The following GPC4 variants were observed in gnomAD, a reference collection of about 807,000 sequenced individuals.
GPC4 encodes the protein glypican-4.
GPC4 carries 10 observed loss-of-function variants against 35.0 expected under a neutral mutation model. That is an observed-to-expected ratio of 0.29 (90% CI 0.18 to 0.48). The LOEUF (loss-of-function observed/expected upper bound fraction) is 0.48. Among genes scored for constraint, GPC4 ranks in the 20% least tolerant of loss-of-function variants. The pLI, the probability that GPC4 is intolerant of heterozygous loss-of-function variation, is 0.99. For synonymous variants in GPC4, 167 were observed against 170.2 expected (o/e 0.98, Z 0.15); for missense variants, 322 against 451.3 (o/e 0.71, Z 2.60).
At chrX:133,311,949 C>G (rs1361884991) in intron 3 of GPC4, among the ~76,000 whole-genome samples, 2 of 111,610 alleles carry the variant, frequency 1.8e-5, no homozygotes, top group Admixed American at 9.5e-5. Flanking sequence ...TAGAAGGGTA[C>G]CTACGGTGTC....
chrX:133,332,873 G>A (rs1485503090), intron 2 of GPC4, among the ~76,000 whole-genome samples: 2 of 112,431 alleles, frequency 1.8e-5, no homozygotes, highest in Admixed American at 9.4e-5. Flanking sequence ...TCCTTGGGAT[G>A]CACATCCAGA....
At chrX:133,395,674 A>T (rs1267972915) in intron 1 of GPC4, among the ~76,000 whole-genome samples, 2 of 111,403 alleles carry the variant, frequency 1.8e-5, no homozygotes, top group Non-Finnish European at 3.8e-5. Context: ...AATGGTACGA[A>T]TTTTTTTAAA....
chrX:133,373,340 C>T (rs901629018), intron 1 of GPC4, among the ~76,000 whole-genome samples: 2 of 111,091 alleles, frequency 1.8e-5, no homozygotes, highest in Non-Finnish European at 3.8e-5. Context: ...ATTCTGAGAT[C>T]AGCTTTACTT....
intron 2 of GPC4, among the ~76,000 whole-genome samples, chrX:133,335,483 G>A (rs1244505276): frequency 9.0e-6 from 1 of 111,034 alleles, no homozygotes; most frequent in Non-Finnish European, 1.9e-5. Flanking sequence ...GCACACACAC[G>A]AGTTTATATC....
At chrX:133,386,830 G>GA (rs2068693163) in intron 1 of GPC4, among the ~76,000 whole-genome samples, 1 of 111,571 alleles carries the variant, frequency 9.0e-6, no homozygotes, top group South Asian at 3.8e-4. Context: ...TAGATTTTGG[G>GA]AAAAAATAAC....
intron 1 of GPC4, among the ~76,000 whole-genome samples, chrX:133,351,295 G>A (rs1253895770): frequency 2.7e-5 from 3 of 110,793 alleles, no homozygotes; most frequent in Admixed American, 9.6e-5. Context: ...AATATTTGAC[G>A]AAACAGTCCC....
At chrX:133,356,945 A>G (rs2068544183) in intron 1 of GPC4, among the ~76,000 whole-genome samples, 1 of 111,573 alleles carries the variant, frequency 9.0e-6, no homozygotes, top group Non-Finnish European at 1.9e-5. Flanking sequence ...ATGTCAGAAC[A>G]GTGTGGGAAA....
chrX:133,377,888 T>G (rs199544585), intron 1 of GPC4, among the ~76,000 whole-genome samples: 9 of 96,177 alleles, frequency 9.4e-5, no homozygotes, highest in Non-Finnish European at 1.6e-4. Context: ...TTTTTTTTTT[T>G]CTTTTTTTTT....
At chrX:133,341,003 GA>G (rs35779366) in intron 1 of GPC4, among the ~76,000 whole-genome samples, 1 of 110,865 alleles carries the variant, frequency 9.0e-6, no homozygotes, top group Middle Eastern at 4.6e-3. Flanking sequence ...AAAAAAAAGG[GA>G]AAAAAAAGGT....
intron 1 of GPC4, among the ~76,000 whole-genome samples, chrX:133,392,797 T>A (rs1486908230): frequency 1.8e-5 from 2 of 110,730 alleles, no homozygotes; most frequent in African/African-American, 6.6e-5. Flanking sequence ...TTTGAGCACC[T>A]CTTTCACCAA....
chrX:133,313,255 A>T (rs948405234), intron 3 of GPC4, among the ~76,000 whole-genome samples: 3 of 112,606 alleles, frequency 2.7e-5, no homozygotes, highest in African/African-American at 9.7e-5. Context: ...CTCCTACGTG[A>T]TGCATGTGCA....
chrX:133,377,786 C>T (rs1414811942), intron 1 of GPC4, among the ~76,000 whole-genome samples: 1 of 110,061 alleles, frequency 9.1e-6, no homozygotes, highest in Non-Finnish European at 1.9e-5. Context: ...CAGTGAGGCT[C>T]TAGAGACTAC....
chrX:133,368,351 G>A (rs1283896313), intron 1 of GPC4, among the ~76,000 whole-genome samples: 1 of 111,509 alleles, frequency 9.0e-6, no homozygotes. Flanking sequence ...CTTGGAGGCA[G>A]CAACACTTCA....
At chrX:133,312,042 G>T (rs753144212) in intron 3 of GPC4, among the ~76,000 whole-genome samples, 17 of 111,391 alleles carry the variant, frequency 1.5e-4, no homozygotes, top group Non-Finnish European at 3.0e-4. Context: ...AAACTTAGGG[G>T]GTGTGTGAAG....
In GPC4 at chrX:133,344,153, CTCTT is replaced by C. The variant is rs749045500; in HGVS notation, c.161-4816_161-4813del. 7.9e-5 allele frequency among the ~76,000 whole-genome samples: 7 copies of C among 88,996 alleles called. No individual in the cohort carries two copies. In the South Asian group the frequency reaches 1.6e-3, roughly 21 times the overall value. The allele number at this position is 88,996 out of a possible 115,157, so 77.3% of individuals were successfully genotyped here. A position where few individuals can be genotyped will look rare whatever the true frequency, so the allele number is the denominator to read the frequency against. ...TATTTACTACTAACTTGACTATTTTCTCTTTCTTTCTTTCTTTATTTTCTTTCTT... is the reference window on the plus strand; with the variant it reads ...TATTTACTACTAACTTGACTATTTTCTCTTTCTTTCTTTATTTTCTTTCTT... On this transcript the variant is annotated intron_variant, in intron 1 of 8. Coordinates refer to ENST00000370828, the MANE Select transcript of GPC4 (RefSeq NM_001448.3).
Position 133,415,218 on chromosome X carries a change from G to T in GPC4, c.-253C>A, listed in dbSNP as rs1004502163. 2.3e-3 allele frequency: 787 copies of T among 344,491 alleles called. 2 individuals carry two copies. The highest frequency in any genetic ancestry group is 2.9e-3 in the Non-Finnish European group (573 of 200,283). The allele number at this position is 344,491 out of a possible 1,213,427, so 28.4% of individuals were successfully genotyped here. A position where few individuals can be genotyped will look rare whatever the true frequency, so the allele number is the denominator to read the frequency against. On this transcript the variant is annotated 5_prime_UTR_variant, in exon 1 of 9. Transcript: ENST00000370828. ...AAGGAGGGCGTGGAGGCGGCGCGCG[G>T]CCCAGGGAAGCAGAGGCGCGGGCTG...
At chrX:133,304,043 C>T (rs1478524861) in intron 7 of GPC4, among the ~76,000 whole-genome samples, 1 of 108,674 alleles carries the variant, frequency 9.2e-6, no homozygotes, top group Non-Finnish European at 1.9e-5. Context: ...CCTGTAATCC[C>T]AGCACTTTGG....
Position 133,324,274 on chromosome X carries a change from C to T in GPC4, c.582G>A (p.Thr194=), listed in dbSNP as rs1316454380. The T allele has an allele frequency of 5.8e-6, 7 of 1,209,832 alleles. No individual in the cohort carries two copies. Among genetic ancestry groups the T allele is most frequent in the East Asian group, 3.0e-5 (1 of 33,756 alleles). ...DEYLECVSKY[T]EQLKPFGDVP... ...CATCTCCGAAGGGCTTCAGCTGCTCCGTATACTTGCTCACACATTCCAGAT... is the reference window on the plus strand; with the variant it reads ...CATCTCCGAAGGGCTTCAGCTGCTCTGTATACTTGCTCACACATTCCAGAT... Residue 194 remains threonine, a synonymous_variant, in exon 3 of 9, where the codon ACG becomes ACA. Coordinates refer to ENST00000370828, the MANE Select transcript of GPC4 (RefSeq NM_001448.3).
chrX:133,349,122 T>C (rs1358683474), intron 1 of GPC4, among the ~76,000 whole-genome samples: 1 of 112,458 alleles, frequency 8.9e-6, no homozygotes, highest in Admixed American at 9.4e-5. Context: ...GGGCCATCTC[T>C]GAGACAGCTG....
Sources: allele counts gnomAD v4.1 joint callset (sites outside exome capture counted in the v4.1 genomes callset), GRCh38; gene constraint gnomAD v4.1.1; transcripts MANE v1.5; gene names NCBI Gene and HGNC (gene_info 2026-07-23, HGNC 2026-07-21).